The following EYA2 variants were observed in gnomAD, a reference collection of about 807,000 sequenced individuals.
EYA2 encodes EYA transcriptional coactivator and phosphatase 2.
In EYA2, 31 loss-of-function variants were observed where a neutral mutation model predicts 69.2. The ratio of observed to expected loss-of-function variants is 0.45; its 90% CI spans 0.34 to 0.60. The LOEUF (loss-of-function observed/expected upper bound fraction) is 0.60, where lower values mean the gene tolerates loss of function less well. Ranked by LOEUF, EYA2 falls within the 20% of genes least tolerant of loss-of-function variation. The pLI is 0.02. For missense variants in EYA2, 622 were observed against 701.2 expected, an observed-to-expected ratio of 0.89 and a Z score of 1.28; for synonymous variants, 257 against 279.4, an observed-to-expected ratio of 0.92 and a Z score of 0.80.
intron 1 of EYA2, among the ~76,000 whole-genome samples, chr20:46,912,656 A>G (rs975860506): frequency 2.0e-5 from 3 of 151,638 alleles, no homozygotes; most frequent in Admixed American, 6.6e-5. Flanking sequence ...GATGGGAAAC[A>G]TTGAGGTAGA....
intron 5 of EYA2, among the ~76,000 whole-genome samples, chr20:47,024,809 G>T (rs1983985511): frequency 1.3e-5 from 2 of 152,260 alleles, no homozygotes; most frequent in Non-Finnish European, 2.9e-5. Context: ...AACTGTTTCA[G>T]CTGGGAGGGT....
At chr20:47,166,293 G>A (rs996141526) in intron 10 of EYA2, among the ~76,000 whole-genome samples, 2 of 147,004 alleles carry the variant, frequency 1.4e-5, no homozygotes, top group Non-Finnish European at 3.0e-5. Flanking sequence ...CCAACTACTC[G>A]AGAGGCTGAG....
intron 5 of EYA2, among the ~76,000 whole-genome samples, chr20:47,053,238 C>G (rs1007588716): frequency 1.2e-4 from 19 of 152,168 alleles, no homozygotes; most frequent in African/African-American, 4.3e-4. Context: ...AGATCTCTCT[C>G]TCTCCACCCT....
At chr20:47,061,880 CCA>C (rs371613033) in intron 5 of EYA2, among the ~76,000 whole-genome samples, 30 of 152,288 alleles carry the variant, frequency 2.0e-4, no homozygotes, top group African/African-American at 6.5e-4. Context: ...GGATTCTTCC[CCA>C]CAGAGCTGAG....
chr20:47,022,206 G>T lies in EYA2; in HGVS notation c.415+5909G>T, dbSNP rs538540568. 7.9e-5 allele frequency among the ~76,000 whole-genome samples: 12 copies of T among 152,322 alleles called. 1 individual carries two copies. The South Asian group carries it at 2.5e-3, about 32-fold the overall frequency. Reference sequence around the variant, plus strand: ...TCCAAACTCGTTCTGTGGTCACTGAGAAGCCCTGGATGTCATGATCTTTTA... The same window carrying T: ...TCCAAACTCGTTCTGTGGTCACTGATAAGCCCTGGATGTCATGATCTTTTA... On this transcript the variant is annotated intron_variant, in intron 5 of 15. Coordinates refer to ENST00000327619, the MANE Select transcript of EYA2 (RefSeq NM_005244.5).
intron 5 of EYA2, among the ~76,000 whole-genome samples, chr20:47,055,613 G>A (rs760279630): frequency 5.9e-5 from 9 of 152,016 alleles, no homozygotes; most frequent in Non-Finnish European, 1.0e-4. Flanking sequence ...AATTTCACTC[G>A]CTCTTGCTTC....
intron 2 of EYA2, among the ~76,000 whole-genome samples, chr20:46,990,567 C>G (rs1461288310): frequency 1.3e-5 from 2 of 152,160 alleles, no homozygotes; most frequent in Non-Finnish European, 2.9e-5. Context: ...GCTTTCAGGT[C>G]GGGTTGGAGT....
intron 9 of EYA2, among the ~76,000 whole-genome samples, chr20:47,138,682 G>A (rs2033530651): frequency 6.6e-6 from 1 of 151,912 alleles, no homozygotes; most frequent in Non-Finnish European, 1.5e-5. Flanking sequence ...TTGAACCTGG[G>A]AGGTCGAGGC....
chr20:47,128,132 G>A (rs2033246941), intron 9 of EYA2, among the ~76,000 whole-genome samples: 2 of 152,236 alleles, frequency 1.3e-5, no homozygotes, highest in South Asian at 4.1e-4. Context: ...TTCGGGGGCA[G>A]CTAAAATGAG....
rs369844222 is a variant in EYA2, at chr20:46,903,766, G to C, written c.-11+8779G>C. 1.4e-4 allele frequency among the ~76,000 whole-genome samples: 22 copies of C among 151,986 alleles called. 1 individual carries two copies. The highest frequency in any genetic ancestry group is 9.8e-4 in the Admixed American group (15 of 15,266). ...ATGAATTATATCAGTGTCAGCTACA[G>C]TTATTATTATTATTTATGAATTTGA... is the stretch of plus-strand genomic sequence containing the variant. On this transcript the variant is annotated intron_variant, in intron 1 of 15. Transcript: ENST00000327619.
At chr20:47,122,443 G>C (rs917152264) in intron 9 of EYA2, among the ~76,000 whole-genome samples, 9 of 151,698 alleles carry the variant, frequency 5.9e-5, no homozygotes, top group Non-Finnish European at 1.3e-4. Flanking sequence ...ACAGGCACCC[G>C]CCACCGCACC....
intron 1 of EYA2, among the ~76,000 whole-genome samples, chr20:46,915,113 C>A (rs946789013): frequency 6.6e-6 from 1 of 152,218 alleles, no homozygotes; most frequent in African/African-American, 2.4e-5. Context: ...GCCACATCAG[C>A]CTCATAGCAG....
chr20:46,907,378 A>T (rs139134921), intron 1 of EYA2, among the ~76,000 whole-genome samples: 1 of 152,222 alleles, frequency 6.6e-6, no homozygotes, highest in Non-Finnish European at 1.5e-5. Context: ...GGCAGCCTAC[A>T]AGCCATTGAT....
At chr20:47,090,229 C>CT (rs60732138) in intron 8 of EYA2, among the ~76,000 whole-genome samples, 30,198 of 121,990 alleles carry the variant, frequency 0.25, 4,533 homozygotes, top group East Asian at 0.36. Flanking sequence ...ATGCTCCAAT[C>CT]TTTTTTTTTT....
intron 5 of EYA2, among the ~76,000 whole-genome samples, chr20:47,027,466 G>A (rs932174980): frequency 3.3e-5 from 5 of 152,184 alleles, no homozygotes; most frequent in African/African-American, 7.2e-5. Context: ...AGCCTGGGGG[G>A]TCACTCTCCC....
At chr20:46,912,762 G>A (rs1001511853) in intron 1 of EYA2, among the ~76,000 whole-genome samples, 28 of 150,160 alleles carry the variant, frequency 1.9e-4, no homozygotes, top group South Asian at 2.1e-4. Context: ...CTGCAGTGGC[G>A]CAATCTCGGC....
chr20:47,063,378 TGTGTGTGCGTGTGC>T (rs1282243574), intron 5 of EYA2, among the ~76,000 whole-genome samples: 8 of 132,750 alleles, frequency 6.0e-5, no homozygotes, highest in African/African-American at 2.5e-4. Flanking sequence ...TTTATTTGTG[TGTGTGTGCGTGTGC>T]GTGTGTGTGT....
chr20:47,093,517 G>A (rs6066194), intron 8 of EYA2, among the ~76,000 whole-genome samples: 2 of 152,232 alleles, frequency 1.3e-5, no homozygotes, highest in African/African-American at 4.8e-5. Flanking sequence ...CTGCAGCCGC[G>A]CAGCCGGCTC....
chr20:47,157,343 G>C (rs1324232917), intron 10 of EYA2, among the ~76,000 whole-genome samples: 2 of 98,232 alleles, frequency 2.0e-5, no homozygotes, highest in African/African-American at 4.2e-5. Flanking sequence ...GACAGAGCAA[G>C]ACTCCGTCTC....
Sources: allele counts gnomAD v4.1 joint callset (sites outside exome capture counted in the v4.1 genomes callset), GRCh38; gene constraint gnomAD v4.1.1; transcripts MANE v1.5; gene names NCBI Gene and HGNC (gene_info 2026-07-23, HGNC 2026-07-21).